SNTG1: variants seen among roughly 807,000 people sequenced by gnomAD.
The protein encoded by SNTG1 is syntrophin gamma 1, also known as gamma-1-syntrophin.
SNTG1 carries 39 observed loss-of-function variants against 74.7 expected under a neutral mutation model. The ratio of observed to expected loss-of-function variants is 0.52; its 90% CI spans 0.40 to 0.68. The LOEUF (loss-of-function observed/expected upper bound fraction) is 0.68. Ranked by LOEUF, SNTG1 falls within the 30% of genes least tolerant of loss-of-function variation. SNTG1 has a pLI of 0.00. For missense variants in SNTG1, 685 were observed against 609.5 expected, an observed-to-expected ratio of 1.12 and a Z score of -1.30; for synonymous variants, 254 against 217.1, an observed-to-expected ratio of 1.17 and a Z score of -1.49.
intron 8 of SNTG1, among the ~76,000 whole-genome samples, chr8:50,475,225 A>AT (rs2093687590): frequency 2.0e-5 from 3 of 148,490 alleles, no homozygotes; most frequent in African/African-American, 7.6e-5. Flanking sequence ...CTTAAAGTAT[A>AT]ATAATAATAA....
chr8:50,180,947 A>G (rs2083184870), intron 2 of SNTG1, among the ~76,000 whole-genome samples: 1 of 152,090 alleles, frequency 6.6e-6, no homozygotes, highest in Admixed American at 6.5e-5. Flanking sequence ...TATTTTTAGT[A>G]GAGATGGGGT....
intron 8 of SNTG1, among the ~76,000 whole-genome samples, chr8:50,486,836 A>G (rs894705207): frequency 6.6e-6 from 1 of 152,054 alleles, no homozygotes; most frequent in Non-Finnish European, 1.5e-5. Context: ...TCAATACCTA[A>G]TTTATTGAGA....
chr8:50,580,062 G>C (rs540993745), intron 12 of SNTG1, among the ~76,000 whole-genome samples: 128 of 152,372 alleles, frequency 8.4e-4, no homozygotes, highest in African/African-American at 2.5e-3. Flanking sequence ...AGCCACAGGG[G>C]TGGACCTGCC....
At chr8:50,131,748 T>C (rs1473906131) in intron 1 of SNTG1, among the ~76,000 whole-genome samples, 1 of 152,144 alleles carries the variant, frequency 6.6e-6, no homozygotes, top group African/African-American at 2.4e-5. Flanking sequence ...ATTTAATTTT[T>C]TGAGGAACCT....
intron 2 of SNTG1, among the ~76,000 whole-genome samples, chr8:50,330,930 C>T (rs1029622068): frequency 2.6e-5 from 4 of 152,098 alleles, no homozygotes; most frequent in African/African-American, 4.8e-5. Flanking sequence ...ATTAACAATT[C>T]GAGATAAGAT....
intron 15 of SNTG1, among the ~76,000 whole-genome samples, chr8:50,691,223 C>T (rs1463701046): frequency 2.0e-5 from 3 of 152,174 alleles, no homozygotes; most frequent in South Asian, 2.1e-4. Context: ...CTGTGTCTTT[C>T]AATTGGAGCA....
intron 2 of SNTG1, among the ~76,000 whole-genome samples, chr8:50,335,336 T>C (rs1226025973): frequency 6.6e-6 from 1 of 152,248 alleles, no homozygotes; most frequent in Non-Finnish European, 1.5e-5. Context: ...CAGCATCCAC[T>C]GCTTTGCTTA....
intron 15 of SNTG1, 122 bp from the exon 16 acceptor site, chr8:50,704,478 G>A (rs2095436640): frequency 2.5e-6 from 3 of 1,208,048 alleles, no homozygotes; most frequent in Non-Finnish European, 3.6e-6. Flanking sequence ...ATGAAGACTT[G>A]GTGAATTCGC....
chr8:50,336,014 G>A (rs1032584123), intron 2 of SNTG1, among the ~76,000 whole-genome samples: 8 of 151,868 alleles, frequency 5.3e-5, no homozygotes, highest in South Asian at 2.1e-4. Context: ...TGTGTCTTCC[G>A]AATCCACCAT....
At chr8:50,759,023 A>T (rs2095589517) in intron 18 of SNTG1, among the ~76,000 whole-genome samples, 1 of 152,182 alleles carries the variant, frequency 6.6e-6, no homozygotes, top group Admixed American at 6.5e-5. Context: ...GTGAGATGGT[A>T]TCTCATTGTG....
At chr8:50,209,293 G>C (rs2084396102) in intron 2 of SNTG1, among the ~76,000 whole-genome samples, 1 of 152,202 alleles carries the variant, frequency 6.6e-6, no homozygotes, top group Non-Finnish European at 1.5e-5. Flanking sequence ...CCACCTCTGG[G>C]GGCAGGGCAT....
intron 1 of SNTG1, among the ~76,000 whole-genome samples, chr8:49,963,903 T>A (rs1317256872): frequency 6.6e-6 from 1 of 152,232 alleles, no homozygotes; most frequent in Non-Finnish European, 1.5e-5. Context: ...TTCTCATCAA[T>A]GTCTGATATT....
intron 1 of SNTG1, among the ~76,000 whole-genome samples, chr8:49,919,551 C>CT (rs986151416): frequency 2.0e-5 from 3 of 151,864 alleles, no homozygotes; most frequent in East Asian, 1.9e-4. Context: ...TCTCTAAAAG[C>CT]TTTTTTTTCC....
intron 10 of SNTG1, 91 bp from the exon 11 acceptor site, chr8:50,536,587 A>C (rs975032108): frequency 6.8e-7 from 1 of 1,461,462 alleles, no homozygotes; most frequent in African/African-American, 1.4e-5. Flanking sequence ...TTTAGGGGAA[A>C]AATAATATCC....
chr8:50,222,663 G>A (rs375644748), intron 2 of SNTG1, among the ~76,000 whole-genome samples: 9 of 152,214 alleles, frequency 5.9e-5, no homozygotes, highest in East Asian at 5.8e-4. Context: ...TTAGTTTGCC[G>A]CTAGGGATTG....
chr8:50,626,921 G>A (rs1189468834), intron 13 of SNTG1, among the ~76,000 whole-genome samples: 1 of 152,066 alleles, frequency 6.6e-6, no homozygotes, highest in African/African-American at 2.4e-5. Flanking sequence ...TTATCTTTTT[G>A]AGTCATTGTG....
At chr8:50,715,850 G>C (rs1020540260) in intron 17 of SNTG1, among the ~76,000 whole-genome samples, 1 of 152,058 alleles carries the variant, frequency 6.6e-6, no homozygotes, top group Non-Finnish European at 1.5e-5. Flanking sequence ...AAATAATTAT[G>C]ATTTACAATT....
At chr8:50,652,298 T>C (rs893560948) in intron 13 of SNTG1, among the ~76,000 whole-genome samples, 1 of 152,166 alleles carries the variant, frequency 6.6e-6, no homozygotes, top group African/African-American at 2.4e-5. Context: ...TAATTTATAC[T>C]CAATTTTTGT....
chr8:50,165,101 T>C (rs1222330303), intron 1 of SNTG1, among the ~76,000 whole-genome samples: 1 of 152,160 alleles, frequency 6.6e-6, no homozygotes, highest in Non-Finnish European at 1.5e-5. Flanking sequence ...GTTTATACTA[T>C]TTTGGATAGA....
Sources: allele counts gnomAD v4.1 joint callset (sites outside exome capture counted in the v4.1 genomes callset), GRCh38; gene constraint gnomAD v4.1.1; transcripts MANE v1.5; gene names NCBI Gene and HGNC (gene_info 2026-07-23, HGNC 2026-07-21).